The following EFHB variants were observed in gnomAD, a reference collection of about 807,000 sequenced individuals.
EFHB encodes the protein EF-hand domain family member B.
A neutral mutation model predicts 87.2 loss-of-function variants in EFHB; 91 were observed. That is an observed-to-expected ratio of 1.04 (90% CI 0.88 to 1.24). The LOEUF is 1.24. Among genes scored for constraint, EFHB ranks in the 50% most tolerant of loss-of-function variants. EFHB has a pLI of 0.00. For missense variants in EFHB, 1,084 were observed against 998.8 expected, an observed-to-expected ratio of 1.09 and a Z score of -1.15; for synonymous variants, 325 against 333.6, an observed-to-expected ratio of 0.97 and a Z score of 0.28.
chr3:19,890,580 T>C (rs1694271915), intron 9 of EFHB, among the ~76,000 whole-genome samples: 1 of 152,194 alleles, frequency 6.6e-6, no homozygotes, highest in Non-Finnish European at 1.5e-5. Context: ...TCCATGTCTG[T>C]AGAGTGAATG....
At chr3:19,923,305 C>T (rs1311195758) in intron 1 of EFHB, among the ~76,000 whole-genome samples, 1 of 151,100 alleles carries the variant, frequency 6.6e-6, no homozygotes, top group Non-Finnish European at 1.5e-5. Flanking sequence ...GTAAACAAGC[C>T]ATGCAACACA....
intron 12 of EFHB, among the ~76,000 whole-genome samples, chr3:19,882,051 A>T (rs961527782): frequency 2.2e-5 from 3 of 135,222 alleles, no homozygotes; most frequent in African/African-American, 1.1e-4. Flanking sequence ...AAATAAATAA[A>T]TAAATAAATA....
chr3:19,921,686 C>A, intron 1 of EFHB, among the ~76,000 whole-genome samples: 1 of 152,028 alleles, frequency 6.6e-6, no homozygotes, highest in Middle Eastern at 3.2e-3. Flanking sequence ...GTGAGAAGAA[C>A]TTTGTGTAAA....
chr3:19,896,507 G>T, intron 9 of EFHB, 180 bp downstream of exon 9: 1 of 845,624 alleles, frequency 1.2e-6, no homozygotes, highest in Non-Finnish European at 1.9e-6. Flanking sequence ...TGCAAAAGCA[G>T]CCACAGACAA....
At chr3:19,891,331 T>C (rs949475283) in intron 9 of EFHB, among the ~76,000 whole-genome samples, 1 of 152,070 alleles carries the variant, frequency 6.6e-6, no homozygotes, top group Non-Finnish European at 1.5e-5. Context: ...GCTAGAATTG[T>C]AGGTGTGAGC....
In EFHB at chr3:19,898,777, C is replaced by G. The variant is rs372905832; in HGVS notation, c.1570+1G>C. The G allele has an allele frequency of 1.2e-6, 2 of 1,613,098 alleles. No homozygotes were observed. Among genetic ancestry groups the G allele is most frequent in the African/African-American group, 1.3e-5 (1 of 75,010 alleles). Reference sequence around the variant, plus strand: ...TTTACGGAGAAAGTGTGTATATTTACCATATTCCTCAGGACGGAGACAAGC... The same window carrying G: ...TTTACGGAGAAAGTGTGTATATTTAGCATATTCCTCAGGACGGAGACAAGC... On this transcript the variant is annotated splice_donor_variant, in intron 8 of 12. Transcript: ENST00000295824. LOFTEE classifies it high-confidence loss of function.
upstream of EFHB, among the ~76,000 whole-genome samples, chr3:19,938,856 C>T (rs909150329): frequency 6.6e-6 from 1 of 152,142 alleles, no homozygotes; most frequent in African/African-American, 2.4e-5. Flanking sequence ...CAGCTCAACC[C>T]AGGGCGTGTA....
chr3:19,941,284 G>T, intron 1 of EFHB: 1 of 264,648 alleles, frequency 3.8e-6, no homozygotes, highest in Admixed American at 4.8e-5. Context: ...AATAGGGCAT[G>T]TGTAAGAGGT....
At position 19,908,580 on chromosome 3, in the gene EFHB, G is replaced by A. The variant is rs375476772; in HGVS notation, c.1289-2831C>T. 9.3e-3 allele frequency among the ~76,000 whole-genome samples: 1,092 copies of A among 117,718 alleles called. 11 individuals carry two copies. Among genetic ancestry groups the A allele is most frequent in the Non-Finnish European group, 0.015 (890 of 58,744 alleles). 77.2% of individuals were successfully genotyped at this position (117,718 alleles called of 152,430 possible). On this transcript the variant is annotated intron_variant, in intron 5 of 12. Coordinates refer to ENST00000295824, the MANE Select transcript of EFHB (RefSeq NM_144715.4). ...AGAGAGAAAGAGAGAGAGAGAGAGAGAGAGAGAGAGAGAGAGAGAGAAAGA... is the reference window on the plus strand; with the variant it reads ...AGAGAGAAAGAGAGAGAGAGAGAGAAAGAGAGAGAGAGAGAGAGAGAAAGA...
chr3:19,931,281 C>T (rs1209564804), intron 1 of EFHB, among the ~76,000 whole-genome samples: 3 of 152,226 alleles, frequency 2.0e-5, no homozygotes, highest in African/African-American at 7.2e-5. Flanking sequence ...GTCACTCTCT[C>T]CTTGACACTC....
intron 6 of EFHB, among the ~76,000 whole-genome samples, chr3:19,904,395 T>C (rs1417312246): frequency 2.0e-5 from 3 of 152,134 alleles, no homozygotes; most frequent in Admixed American, 1.3e-4. Flanking sequence ...CTAGAGATGG[T>C]GTCTTGCTAT....
At chr3:19,889,397 CTTGT>C in intron 9 of EFHB, among the ~76,000 whole-genome samples, 1 of 152,246 alleles carries the variant, frequency 6.6e-6, no homozygotes, top group South Asian at 2.1e-4. Context: ...TCCCAGTTTT[CTTGT>C]TTGTTTCTGC....
upstream of EFHB, among the ~76,000 whole-genome samples, chr3:19,939,070 C>G (rs1696088182): frequency 6.6e-6 from 1 of 152,050 alleles, no homozygotes; most frequent in East Asian, 1.9e-4. Context: ...CCATGCCCAG[C>G]TAATTTTTGT....
upstream of EFHB, among the ~76,000 whole-genome samples, chr3:19,935,161 C>T (rs1324611245): frequency 1.3e-5 from 2 of 152,068 alleles, no homozygotes; most frequent in African/African-American, 2.4e-5. Flanking sequence ...TCCACCGCCT[C>T]GGCCTTCCAA....
chr3:19,943,148 T>G (rs539557644), intron 1 of EFHB: 1 of 246,674 alleles, frequency 4.1e-6, no homozygotes, highest in African/African-American at 2.3e-5. Context: ...GCAACTTGAT[T>G]CTTTGTGGCA....
intron 1 of EFHB, chr3:19,942,946 C>G (rs114106495): frequency 0.016 from 3,491 of 218,670 alleles, 124 homozygotes; most frequent in African/African-American, 0.078. Context: ...GTCCATGGCC[C>G]TAGAGGACAC....
intron 1 of EFHB, among the ~76,000 whole-genome samples, chr3:19,943,612 C>G (rs1427689504): frequency 6.6e-6 from 1 of 152,082 alleles, no homozygotes; most frequent in African/African-American, 2.4e-5. Context: ...ATTTACATAT[C>G]ATTTACATTG....
chr3:19,908,684 G>A (rs905922413), intron 5 of EFHB, among the ~76,000 whole-genome samples: 4 of 151,704 alleles, frequency 2.6e-5, no homozygotes, highest in African/African-American at 2.4e-5. Context: ...ATAGAGAATT[G>A]TGGGAATTTT....
At chr3:19,896,592 G>T in intron 9 of EFHB, 95 bp downstream of exon 9, 2 of 1,506,116 alleles carry the variant, frequency 1.3e-6, no homozygotes, top group Non-Finnish European at 1.8e-6. Context: ...GCTGGATTTG[G>T]CCCACAGGCT....
Sources: allele counts gnomAD v4.1 joint callset (sites outside exome capture counted in the v4.1 genomes callset), GRCh38; gene constraint gnomAD v4.1.1; transcripts MANE v1.5; gene names NCBI Gene and HGNC (gene_info 2026-07-23, HGNC 2026-07-21).